The following KCNK7 variants were observed in gnomAD, a reference collection of about 807,000 sequenced individuals.
The protein encoded by KCNK7 is potassium two pore domain channel subfamily K member 7, also known as potassium channel subfamily K member 7.
Under a neutral mutation model 18.1 loss-of-function variants are expected in KCNK7, and 14 were observed. The observed-to-expected ratio is 0.77, with a 90% CI of 0.51 to 1.21. The LOEUF is 1.21. KCNK7 is among the 50% of genes most tolerant of loss of function. The pLI is 0.00. For synonymous variants in KCNK7, 188 were observed against 184.7 expected (o/e 1.02, Z -0.15); for missense variants, 385 against 387.3 (o/e 0.99, Z 0.05).
intron 1 of KCNK7, among the ~76,000 whole-genome samples, chr11:65,594,135 T>C (rs1854299702): frequency 6.6e-6 from 1 of 152,240 alleles, no homozygotes; most frequent in Non-Finnish European, 1.5e-5. Flanking sequence ...TTCTGAGAAC[T>C]GCGCTGCCCT....
Position 65,595,747 on chromosome 11 carries a change from C to A in KCNK7, c.26G>T (p.Arg9Leu), listed in dbSNP as rs113822847. ...GTGGGCCACAACCAGGAGCCCGTATCGGGACCAGGGCCTTAGACCCCCCAT... is the reference window on the plus strand; with the variant it reads ...GTGGGCCACAACCAGGAGCCCGTATAGGGACCAGGGCCTTAGACCCCCCAT... MGGLRPWS[R>L]YGLLVVAHLL... Residue 9 changes from arginine (R) to leucine (L), a missense_variant, in exon 1 of 3, where the codon CGA (arginine) becomes CTA (leucine). Coordinates refer to ENST00000340313, the MANE Select transcript of KCNK7 (RefSeq NM_033347.2). 19 of 1,564,834 alleles carry A rather than the reference C, an allele frequency of 1.2e-5. No individual in the cohort carries two copies. The African/African-American group carries it at 1.5e-4, about 12-fold the overall frequency.
chr11:65,592,957 T>G lies in KCNK7; in HGVS notation c.*48A>C. On this transcript the variant is annotated 3_prime_UTR_variant, in exon 3 of 3. Coordinates refer to ENST00000340313, the MANE Select transcript of KCNK7 (RefSeq NM_033347.2). ...TCCCCAGCCACTCCTGGCTGCTTCC[T>G]CCTCAGGTGCCGCCACCTTACGGAG... is the stretch of plus-strand genomic sequence containing the variant. The G allele has an allele frequency of 6.3e-7, 1 of 1,583,604 alleles. No individual in the cohort carries two copies. Among genetic ancestry groups the G allele is most frequent in the African/African-American group, 1.3e-5 (1 of 74,456 alleles).
chr11:65,593,583 TAGA>T lies in KCNK7; in HGVS notation c.608_610del (p.Val203_Tyr204delinsAsp). On this transcript the variant is annotated inframe_deletion, in exon 2 of 3. Transcript: ENST00000340313. ...GGTGCTGAGCGAGCTGAAGCAGAAG[TAGA>T]CGGCCCCCAGCAGGCTGCAGTCGCC... is the stretch of plus-strand genomic sequence containing the variant. The T allele has an allele frequency of 1.2e-6, 2 of 1,607,090 alleles. No individual in the cohort carries two copies. Among genetic ancestry groups the T allele is most frequent in the Admixed American group, 3.3e-5 (2 of 60,012 alleles).
rs1256081425 is a variant in KCNK7 at position 65,593,616 on chromosome 11, A to G, written c.578T>C (p.Leu193Pro). 6.2e-7 allele frequency: 1 copy of G among 1,605,184 alleles called. No individual in the cohort carries two copies. Among genetic ancestry groups the G allele is most frequent in the East Asian group, 2.2e-5 (1 of 44,882 alleles). The stretch of plus-strand genomic sequence containing the variant: ...CCCCAGCAGGCTGCAGTCGCCCTGA[A>G]GGCCCCACAGCACCAGCGCTGGCAG... ...VLLPALVLWG[L>P]QGDCSLLGAV... Residue 193 changes from leucine to proline, a missense_variant, in exon 2 of 3, where the codon CTT (leucine) becomes CCT (proline). Physicochemically the swap from Leu to Pro is moderately conservative, Grantham distance 98. Transcript: ENST00000340313.
In KCNK7 at chr11:65,592,854, G is replaced by T; in HGVS notation, c.*151C>A. On this transcript the variant is annotated 3_prime_UTR_variant, in exon 3 of 3. Transcript: ENST00000340313. ...TTCGAAATAGTTGAAAATAGCCGAA[G>T]TCGTTGCTCATTTTATGATTAACAG... 1.1e-6 allele frequency: 1 copy of T among 902,016 alleles called. No homozygotes were observed. Among genetic ancestry groups the T allele is most frequent in the Non-Finnish European group, 1.6e-6 (1 of 613,480 alleles). 55.9% of individuals were successfully genotyped at this position (902,016 alleles called of 1,614,324 possible). A position where few individuals can be genotyped will look rare whatever the true frequency, so the allele number is the denominator to read the frequency against.
At position 65,593,565 on chromosome 11, in the gene KCNK7, A is replaced by G; in HGVS notation, c.629T>C (p.Leu210Pro). The G allele has an allele frequency of 3.1e-6, 5 of 1,608,986 alleles. No individual in the cohort carries two copies. The highest frequency in any genetic ancestry group is 4.2e-6 in the Non-Finnish European group (5 of 1,179,980). The change falls in exon 2 of 3, where the codon CTC (leucine) becomes CCC (proline). Residue 210 changes from leucine to proline, a missense_variant. By Grantham distance (98) the Leu-to-Pro change is moderately conservative. Transcript: ENST00000340313. Reference sequence around the variant, plus strand: ...CAAGTCCTCCAGGCCAATGGTGCTGAGCGAGCTGAAGCAGAAGTAGACGGC... The same window carrying G: ...CAAGTCCTCCAGGCCAATGGTGCTGGGCGAGCTGAAGCAGAAGTAGACGGC... Reference protein sequence around the residue: ...LGAVYFCFSSLSTIGLEDLLP... With the variant: ...LGAVYFCFSSPSTIGLEDLLP...
rs761556058 is a variant in KCNK7 at position 65,593,561 on chromosome 11, GC to G, written c.632del (p.Ser211ThrfsTer19). ...GAVYFCFSSL[S>X]TIGLEDLLPG... is the part of the protein sequence containing the mutation. ...GCAGCAAGTCCTCCAGGCCAATGGT[GC>G]TGAGCGAGCTGAAGCAGAAGTAGAC... On this transcript the variant is annotated frameshift_variant, in exon 2 of 3. Transcript: ENST00000340313. LOFTEE classifies it high-confidence loss of function. 165 of 1,609,148 alleles carry G rather than the reference GC, an allele frequency of 1.0e-4. No homozygotes were observed. Among genetic ancestry groups the G allele is most frequent in the Admixed American group, 1.3e-4 (8 of 59,994 alleles).
Position 65,594,137 on chromosome 11 carries a change from C to T in KCNK7, c.320-263G>A, listed in dbSNP as rs961750056. ...GTAGCTGGGACAATTCTGAGAACTG[C>T]GCTGCCCTTAACAGATACTCCCGAT... On this transcript the variant is annotated intron_variant, in intron 1 of 2. Transcript: ENST00000340313. 7.2e-5 allele frequency among the ~76,000 whole-genome samples: 11 copies of T among 152,300 alleles called. No homozygotes were observed. In the East Asian group the frequency reaches 1.5e-3, roughly 21 times the overall value.
chr11:65,593,849 C>T lies in KCNK7; in HGVS notation c.345G>A (p.Ser115=), dbSNP rs374834645. 9.7e-6 allele frequency: 15 copies of T among 1,542,894 alleles called. No homozygotes were observed. In the East Asian group the frequency reaches 2.0e-4, roughly 21 times the overall value. Residue 115 remains serine, a synonymous_variant, in exon 2 of 3, where the codon TCG becomes TCA. Transcript: ENST00000340313. ...TTGYGHMAPL[S]PGGKAFCMVY... ...CCATGCAGAAGGCCTTTCCGCCTGG[C>T]GATAGTGGGGCCATGTGGCCATAAC...
rs538662619 is a variant in KCNK7 at position 65,593,588 on chromosome 11, G to A, written c.606C>T (p.Ala202=). The change falls in exon 2 of 3, where the codon GCC becomes GCT. Residue 202 remains alanine, a synonymous_variant. Transcript: ENST00000340313. ...TGAGCGAGCTGAAGCAGAAGTAGACGGCCCCCAGCAGGCTGCAGTCGCCCT... is the reference window on the plus strand; with the variant it reads ...TGAGCGAGCTGAAGCAGAAGTAGACAGCCCCCAGCAGGCTGCAGTCGCCCT... The part of the protein sequence containing the change: ...GLQGDCSLLG[A]VYFCFSSLST... The A allele has an allele frequency of 1.1e-5, 18 of 1,606,566 alleles. No homozygotes were observed. The highest frequency in any genetic ancestry group is 1.7e-5 in the Admixed American group (1 of 59,998).
intron 2 of KCNK7, 100 bp from the exon 3 acceptor site, chr11:65,593,310 C>T (rs901692948): frequency 1.9e-6 from 3 of 1,613,836 alleles, no homozygotes; most frequent in Non-Finnish European, 8.5e-7. Context: ...CACCACTCAC[C>T]CCCTTCTCAA....
chr11:65,592,837 A>T lies in KCNK7; in HGVS notation c.*168T>A. 1 of 815,664 alleles carries T rather than the reference A, an allele frequency of 1.2e-6. No homozygotes were observed. Among genetic ancestry groups the T allele is most frequent in the Non-Finnish European group, 1.9e-6 (1 of 535,760 alleles). 50.5% of individuals were successfully genotyped at this position (815,664 alleles called of 1,614,324 possible). ...GGCTCAGGGAAGTCCCATTCGAAAT[A>T]GTTGAAAATAGCCGAAGTCGTTGCT... On this transcript the variant is annotated 3_prime_UTR_variant, in exon 3 of 3. Transcript: ENST00000340313.
Position 65,593,523 on chromosome 11 carries a change from C to T in KCNK7, c.671G>A (p.Arg224His), listed in dbSNP as rs149841814. The T allele has an allele frequency of 1.9e-5, 30 of 1,611,880 alleles. No homozygotes were observed. The highest frequency in any genetic ancestry group is 1.3e-4 in the African/African-American group (10 of 74,788). The change falls in exon 2 of 3, where the codon CGC becomes CAC. Residue 224 changes from arginine to histidine, a missense_variant. By Grantham distance (29) the Arg-to-His change is conservative. Transcript: ENST00000340313. ...GLEDLLPGRG[R>H]SLHPVIYHLG... ...GTGGTAAATCACGGGGTGCAGGCTG[C>T]GGCCGCGGCCGGGCAGCAAGTCCTC...
Position 65,593,151 on chromosome 11 carries a change from G to A in KCNK7, c.778C>T (p.Pro260Ser). The A allele has an allele frequency of 6.2e-7, 1 of 1,613,730 alleles. No homozygotes were observed. Among genetic ancestry groups the A allele is most frequent in the Non-Finnish European group, 8.5e-7 (1 of 1,179,850 alleles). ...AACTTCCCCATGGCACGGACCTGCG[G>A]CAGCTCAGAGAAGGTCTCCACTGCC... is the stretch of plus-strand genomic sequence containing the variant. ...LLAVETFSEL[P>S]QVRAMGKFFR... The change falls in exon 3 of 3, where the codon CCG becomes TCG. Residue 260 changes from proline (P) to serine (S), a missense_variant. Physicochemically the swap from Pro to Ser is moderately conservative, Grantham distance 74 (BLOSUM62 -1). Coordinates refer to ENST00000340313, the MANE Select transcript of KCNK7 (RefSeq NM_033347.2).
At chr11:65,594,250 C>T (rs1854302688) in intron 1 of KCNK7, among the ~76,000 whole-genome samples, 2 of 152,310 alleles carry the variant, frequency 1.3e-5, no homozygotes, top group South Asian at 4.1e-4. Flanking sequence ...CTGAATCAGC[C>T]CAGGCCCTGC....
Position 65,593,141 on chromosome 11 carries a change from C to G in KCNK7, c.788G>C (p.Arg263Pro), listed in dbSNP as rs771855665. 1.9e-5 allele frequency: 31 copies of G among 1,613,694 alleles called. No homozygotes were observed. The South Asian group carries it at 3.3e-4, about 17-fold the overall frequency. Residue 263 changes from arginine (R) to proline (P), a missense_variant, in exon 3 of 3, where the codon CGT becomes CCT. By Grantham distance (103) the Arg-to-Pro change is moderately radical. Coordinates refer to ENST00000340313, the MANE Select transcript of KCNK7 (RefSeq NM_033347.2). ...GGGTCTGAAGAACTTCCCCATGGCA[C>G]GGACCTGCGGCAGCTCAGAGAAGGT... is the stretch of plus-strand genomic sequence containing the variant. ...VETFSELPQV[R>P]AMGKFFRPSG... is the part of the protein sequence containing the mutation.
rs756178334 is a variant in KCNK7, at chr11:65,595,506, G to T, written c.267C>A (p.Thr89=). ...STLGNSSEGR[T]WDLPSALLFA... ...AGAGCAGGGCTGAGGGAAGGTCCCA[G>T]GTCCTGCCCTCTGAGCTGTTGCCCA... The change falls in exon 1 of 3, where the codon ACC becomes ACA. Residue 89 remains threonine, a synonymous_variant. Coordinates refer to ENST00000340313, the MANE Select transcript of KCNK7 (RefSeq NM_033347.2). 7 of 1,520,432 alleles carry T rather than the reference G, an allele frequency of 4.6e-6. No individual in the cohort carries two copies. The highest frequency in any genetic ancestry group is 6.2e-6 in the Non-Finnish European group (7 of 1,124,200). The allele number at this position is 1,520,432 out of a possible 1,614,324, so 94.2% of individuals were successfully genotyped here.
At position 65,592,918 on chromosome 11, in the gene KCNK7, C is replaced by CA; in HGVS notation, c.*86dup. 6.7e-7 allele frequency: 1 copy of CA among 1,483,128 alleles called. No individual in the cohort carries two copies. The highest frequency in any genetic ancestry group is 9.0e-7 in the Non-Finnish European group (1 of 1,108,224). 91.9% of individuals were successfully genotyped at this position (1,483,128 alleles called of 1,614,324 possible). A position where few individuals can be genotyped will look rare whatever the true frequency, so the allele number is the denominator to read the frequency against. On this transcript the variant is annotated 3_prime_UTR_variant, in exon 3 of 3. Transcript: ENST00000340313. The stretch of plus-strand genomic sequence containing the variant: ...CTCCCGCCCACCCTCACCGCGGCTC[C>CA]ATCTCCAGATTCTTCCCCAGCCACT...
rs1408835505 is a variant in KCNK7, at chr11:65,595,722, G to A, written c.51C>T (p.His17=). 3.1e-6 allele frequency: 5 copies of A among 1,588,252 alleles called. No individual in the cohort carries two copies. Among genetic ancestry groups the A allele is most frequent in the Admixed American group, 1.7e-5 (1 of 57,734 alleles). Residue 17 remains histidine, a synonymous_variant, in exon 1 of 3, where the codon CAC becomes CAT. Transcript: ENST00000340313. ...CAGCCCCAAGCCCCAGGGCCAGCAAGTGGGCCACAACCAGGAGCCCGTATC... is the reference window on the plus strand; with the variant it reads ...CAGCCCCAAGCCCCAGGGCCAGCAAATGGGCCACAACCAGGAGCCCGTATC... ...WSRYGLLVVA[H]LLALGLGAVV...
Sources: gnomAD v4.1 joint callset for allele counts (sites outside exome capture counted in the v4.1 genomes callset) on GRCh38, gnomAD v4.1.1 for gene constraint, MANE v1.5 for transcripts, NCBI Gene and HGNC (gene_info 2026-07-23, HGNC 2026-07-21) for gene names.